Variants in GSN observed in about 807,000 individuals in gnomAD.
GSN encodes the protein gelsolin, also known as actin-depolymerizing factor.
In GSN, 56 loss-of-function variants were observed where a neutral mutation model predicts 85.7. The ratio of observed to expected loss-of-function variants is 0.65; its 90% CI spans 0.53 to 0.82. GSN has a LOEUF of 0.82. GSN is among the 40% of genes least tolerant of loss of function. The pLI is 0.00. For missense variants in GSN, 857 were observed against 979.8 expected (o/e 0.87, Z 1.67); for synonymous variants, 373 against 399.1 (o/e 0.93, Z 0.78).
chr9:121,294,131 C>T (rs1304226307), intron 2 of GSN, among the ~76,000 whole-genome samples: 5 of 152,218 alleles, frequency 3.3e-5, no homozygotes, highest in Non-Finnish European at 7.3e-5. Flanking sequence ...TTCTCCTGCT[C>T]ATTCTGGCTT....
intron 13 of GSN, chr9:121,326,934 A>T: frequency 1.5e-6 from 1 of 686,312 alleles, no homozygotes; most frequent in East Asian, 2.8e-5. Context: ...TACAATCAGC[A>T]TGCCATTCCT....
chr9:121,221,393 C>T (rs2054167085), intron 4 of GSN, among the ~76,000 whole-genome samples: 1 of 152,244 alleles, frequency 6.6e-6, no homozygotes, highest in Middle Eastern at 3.2e-3. Flanking sequence ...CCCCAATTCC[C>T]AGCCCAGCCC....
Position 121,245,764 on chromosome 9 carries a change from C to T in GSN, c.-388-2512C>T, listed in dbSNP as rs114556589. 2.7e-3 allele frequency among the ~76,000 whole-genome samples: 413 copies of T among 152,214 alleles called. 2 individuals carry two copies. Among genetic ancestry groups the T allele is most frequent in the African/African-American group, 9.5e-3 (394 of 41,532 alleles). On this transcript the variant is annotated intron_variant, in intron 5 of 24. Coordinates refer to the GSN transcript ENST00000373823. The stretch of plus-strand genomic sequence containing the variant: ...AGAAAAACACTTTTTAAAAAAGAGA[C>T]GAGGTCTTGCTAAGTTGCCCAGGCT...
upstream of GSN, among the ~76,000 whole-genome samples, chr9:121,204,084 A>T (rs991509161): frequency 3.3e-5 from 5 of 152,190 alleles, no homozygotes; most frequent in African/African-American, 2.4e-5. Context: ...AGCCATTATC[A>T]CCTGAAGGGA....
chr9:121,238,921 A>C, intron 5 of GSN: 1 of 537,422 alleles, frequency 1.9e-6, no homozygotes, highest in South Asian at 1.4e-5. Context: ...CTTCCTGGTC[A>C]TCCCTTCTCC....
At chr9:121,251,786 C>G (rs1002180172) in intron 6 of GSN, among the ~76,000 whole-genome samples, 19 of 151,864 alleles carry the variant, frequency 1.3e-4, no homozygotes, top group Admixed American at 3.3e-4. Context: ...TGGTGAAACC[C>G]TGTCTCTATT....
At chr9:121,302,273 G>A (rs2059963101) in intron 3 of GSN, 106 bp downstream of exon 3, 3 of 1,296,160 alleles carry the variant, frequency 2.3e-6, no homozygotes, top group Admixed American at 1.7e-5. Flanking sequence ...CACCTAGTAT[G>A]TGCTGGGCCC....
chr9:121,299,665 TG>T lies in GSN; in HGVS notation c.-9-2294del. ...TGGTGCTGGGTCTCCGCCCCGGAGC[TG>T]GGGTGCAGGGGCTGCCGCGCCCTGT... On this transcript the variant is annotated intron_variant, in intron 2 of 17. Coordinates refer to ENST00000432226, the MANE Select transcript of GSN (RefSeq NM_198252.3). This position sits in a 1 kb window ranked among gnomAD's most constrained non-coding sequence, Gnocchi z 4.2. 1.5e-6 allele frequency: 1 copy of T among 675,076 alleles called. No homozygotes were observed. Among genetic ancestry groups the T allele is most frequent in the Non-Finnish European group, 2.0e-6 (1 of 507,858 alleles). 41.8% of individuals were successfully genotyped at this position (675,076 alleles called of 1,614,324 possible). A position where few individuals can be genotyped will look rare whatever the true frequency, so the allele number is the denominator to read the frequency against.
chr9:121,217,895 T>C (rs1423251751), intron 4 of GSN, among the ~76,000 whole-genome samples: 1 of 151,428 alleles, frequency 6.6e-6, no homozygotes, highest in East Asian at 1.9e-4. Flanking sequence ...CCGTTAATAC[T>C]GCTACCAGGT....
intron 3 of GSN, among the ~76,000 whole-genome samples, chr9:121,302,533 T>C (rs2059993556): frequency 6.6e-6 from 1 of 152,056 alleles, no homozygotes; most frequent in African/African-American, 2.4e-5. Flanking sequence ...CTCCAGGCAC[T>C]CCCCAGTTTG....
chr9:121,220,822 G>A (rs1401403513), intron 4 of GSN, among the ~76,000 whole-genome samples: 2 of 152,062 alleles, frequency 1.3e-5, no homozygotes, highest in African/African-American at 2.4e-5. Flanking sequence ...ACTTAATCGC[G>A]TTGTTTTGTT....
At position 121,301,845 on chromosome 9, in the gene GSN, G is replaced by A. The variant is rs150227634; in HGVS notation, c.-9-118G>A. Reference sequence around the variant, plus strand: ...AGGGGATAGACTTCCCTGGGGCGTGGGGAGAGCAGGAGGCTCAAGTGAGAT... The same window carrying A: ...AGGGGATAGACTTCCCTGGGGCGTGAGGAGAGCAGGAGGCTCAAGTGAGAT... On this transcript the variant is annotated intron_variant, in intron 2 of 17. Transcript: ENST00000432226. The A allele has an allele frequency of 5.9e-4, 896 of 1,530,702 alleles. 7 individuals carry two copies. In the Middle Eastern group the frequency reaches 0.024, roughly 41 times the overall value. The allele number at this position is 1,530,702 out of a possible 1,614,324, so 94.8% of individuals were successfully genotyped here.
At chr9:121,202,358 G>A in the GSN span, among the ~76,000 whole-genome samples, 5 of 152,156 alleles carry the variant, frequency 3.3e-5, no homozygotes, top group African/African-American at 1.2e-4. Context: ...GTATATACCG[G>A]TCCTGTCCAA....
At chr9:121,302,275 G>A (rs2059963416) in intron 3 of GSN, 108 bp downstream of exon 3, 4 of 1,286,948 alleles carry the variant, frequency 3.1e-6, no homozygotes, top group South Asian at 1.2e-5. Flanking sequence ...CCTAGTATGT[G>A]CTGGGCCCTT....
chr9:121,295,807 G>A lies in GSN; in HGVS notation c.-9-6156G>A, dbSNP rs74765340. 5.2e-3 allele frequency among the ~76,000 whole-genome samples: 788 copies of A among 152,354 alleles called. 49 individuals are homozygous for A. In the East Asian group the frequency reaches 0.12, roughly 23 times the overall value. ...CTGGGCAGGATCCAGGAATAGCCGA[G>A]ATCAGAGGTCAAGGAGATCTCCGAG... On this transcript the variant is annotated intron_variant, in intron 2 of 17. Coordinates refer to ENST00000432226, the MANE Select transcript of GSN (RefSeq NM_198252.3).
In GSN at chr9:121,329,177, T is replaced by A. The variant is rs1275429867; in HGVS notation, c.1888-61T>A. 3 of 1,485,620 alleles carry A rather than the reference T, an allele frequency of 2.0e-6. No individual in the cohort carries two copies. Among genetic ancestry groups the A allele is most frequent in the Non-Finnish European group, 2.8e-6 (3 of 1,064,128 alleles). 92.0% of individuals were successfully genotyped at this position (1,485,620 alleles called of 1,614,324 possible). ...CTGTGCCACTCCCTCAGGGGGCAGATAAAGGAAGGCCACCCAGGGGAGGGA... is the reference window on the plus strand; with the variant it reads ...CTGTGCCACTCCCTCAGGGGGCAGAAAAAGGAAGGCCACCCAGGGGAGGGA... On this transcript the variant is annotated intron_variant, in intron 15 of 17. Coordinates refer to ENST00000432226, the MANE Select transcript of GSN (RefSeq NM_198252.3). The surrounding 1 kb of genome is among the most constrained non-coding windows in gnomAD (Gnocchi z 4.6).
At chr9:121,239,021 T>A (rs1165387870) in intron 5 of GSN, 2 of 488,388 alleles carry the variant, frequency 4.1e-6, no homozygotes, top group East Asian at 1.1e-4. Context: ...TCCACATAGA[T>A]CTGTCCCAGT....
intron 5 of GSN, among the ~76,000 whole-genome samples, chr9:121,232,977 G>A (rs552649762): frequency 1.3e-5 from 2 of 152,210 alleles, no homozygotes; most frequent in East Asian, 1.9e-4. Context: ...GATTAAAGAC[G>A]GCTACAAATT....
chr9:121,301,793 C>A, intron 2 of GSN, 170 bp from the exon 3 acceptor site: 3 of 982,268 alleles, frequency 3.1e-6, no homozygotes, highest in Non-Finnish European at 4.6e-6. Flanking sequence ...GCCCTGTTTG[C>A]TGACTCGTTG....
Sources: gnomAD v4.1 joint callset for allele counts (sites outside exome capture counted in the v4.1 genomes callset) on GRCh38, gnomAD v4.1.1 for gene constraint, Gnocchi (gnomAD v3.1) non-coding constraint, MANE v1.5 for transcripts, NCBI Gene and HGNC (gene_info 2026-07-23, HGNC 2026-07-21) for gene names.